Variants in IVNS1ABP observed in about 807,000 individuals in gnomAD.
IVNS1ABP encodes influenza virus NS1A binding protein, also known as influenza virus NS1A-binding protein.
In IVNS1ABP, 25 loss-of-function variants were observed where a neutral mutation model predicts 78.9. The observed-to-expected ratio is 0.32, with a 90% CI of 0.23 to 0.44. The LOEUF is 0.44. Ranked by LOEUF, IVNS1ABP falls within the 20% of genes least tolerant of loss-of-function variation. The probability of loss-of-function intolerance (pLI) is 1.00; values close to 1 mark genes in which losing one functional copy is unlikely to be tolerated. For synonymous variants in IVNS1ABP, 241 were observed against 259.7 expected (o/e 0.93, Z 0.69); for missense variants, 494 against 768.9 (o/e 0.64, Z 4.23).
Position 185,297,800 on chromosome 1 carries a change from C to A in IVNS1ABP, c.*235G>T. ...AATCAATTCTTGGTTTATTCTTTTC[C>A]AAAAAGTAAAATAACCAAAGTCTTA... On this transcript the variant is annotated 3_prime_UTR_variant, in exon 15 of 15. Coordinates refer to ENST00000367498, the MANE Select transcript of IVNS1ABP (RefSeq NM_006469.5). The A allele has an allele frequency of 2.0e-6, 1 of 503,152 alleles. No individual in the cohort carries two copies. The highest frequency in any genetic ancestry group is 3.1e-5 in the South Asian group (1 of 31,770). 31.2% of individuals were successfully genotyped at this position (503,152 alleles called of 1,614,324 possible).
In IVNS1ABP at chr1:185,305,629, G is replaced by A. The variant is rs1245367088; in HGVS notation, c.672C>T (p.Tyr224=). The A allele has an allele frequency of 2.5e-6, 4 of 1,613,156 alleles. No homozygotes were observed. Among genetic ancestry groups the A allele is most frequent in the Non-Finnish European group, 3.4e-6 (4 of 1,179,502 alleles). ...EELMEEVQTL[Y]YSADHKLLDG... ...CAAGCAGCTTGTGATCAGCTGAGTA[G>A]TACAAGGTTTGAACCTGCAAAACAG... The change falls in exon 8 of 15, where the codon TAC becomes TAT. Residue 224 remains tyrosine (Y), a synonymous_variant. Coordinates refer to ENST00000367498, the MANE Select transcript of IVNS1ABP (RefSeq NM_006469.5). This position sits in a 1 kb window ranked among gnomAD's most constrained non-coding sequence, Gnocchi z 4.0.
chr1:185,311,025 T>C (rs1244604735), intron 2 of IVNS1ABP, 70 bp downstream of exon 2: 1 of 317,334 alleles, frequency 3.2e-6, no homozygotes, highest in East Asian at 4.6e-5. Flanking sequence ...AAAGGTTTAC[T>C]GTACTCGACA....
chr1:185,314,015 C>G (rs878911083), intron 1 of IVNS1ABP, among the ~76,000 whole-genome samples: 4 of 152,120 alleles, frequency 2.6e-5, no homozygotes, highest in Admixed American at 2.6e-4. Context: ...CACAATATGG[C>G]CTCTGCTAAA....
rs569936594 is a variant in IVNS1ABP, at chr1:185,316,882, C to A, written c.-247+71G>T. The A allele has an allele frequency of 1.5e-5, 6 of 397,542 alleles. No individual in the cohort carries two copies. In the East Asian group the frequency reaches 2.1e-4, roughly 14 times the overall value. 24.6% of individuals were successfully genotyped at this position (397,542 alleles called of 1,614,324 possible). A position where few individuals can be genotyped will look rare whatever the true frequency, so the allele number is the denominator to read the frequency against. ...CCCACCCTCTTCCCATCCGCCGGCG[C>A]CATCCCTTCTTCTCGGATTCTAGCC... On this transcript the variant is annotated intron_variant, in intron 1 of 14. Coordinates refer to ENST00000367498, the MANE Select transcript of IVNS1ABP (RefSeq NM_006469.5).
chr1:185,306,222 A>G (rs1013571287), intron 7 of IVNS1ABP: 4 of 208,660 alleles, frequency 1.9e-5, no homozygotes, highest in Admixed American at 1.7e-4. Flanking sequence ...CTTTTAGACC[A>G]TAATGATGAC....
At chr1:185,300,893 T>TA in intron 10 of IVNS1ABP, 79 bp downstream of exon 10, 1 of 1,088,476 alleles carries the variant, frequency 9.2e-7, no homozygotes, top group Non-Finnish European at 1.4e-6. Context: ...GATGGCATAT[T>TA]AAACCCTCTC....
In IVNS1ABP at chr1:185,308,786, TTC is replaced by T; in HGVS notation, c.357+12_357+13del. 6.3e-7 allele frequency: 1 copy of T among 1,580,720 alleles called. No individual in the cohort carries two copies. ...AGACTCCATAAATGATTTTATTTAC[TTC>T]TGATACTCTACCTGCTTTACTCGAT... On this transcript the variant is annotated intron_variant, in intron 5 of 14. Transcript: ENST00000367498.
rs1180232945 is a variant in IVNS1ABP at position 185,297,187 on chromosome 1, C to T, written c.*848G>A. 2 of 152,094 alleles carry T rather than the reference C, an allele frequency of 1.3e-5. No individual in the cohort carries two copies. Among genetic ancestry groups the T allele is most frequent in the African/African-American group, 4.8e-5 (2 of 41,430 alleles). The allele number at this position is 152,094 out of a possible 1,614,324, so 9.4% of individuals were successfully genotyped here. On this transcript the variant is annotated 3_prime_UTR_variant, in exon 15 of 15. Transcript: ENST00000367498. ...AACAGGAATTATATAGAAGATAAAA[C>T]ACCATTTTTTACTGCTATATAATGT...
chr1:185,299,252 G>A (rs750417769), intron 14 of IVNS1ABP: 4 of 161,598 alleles, frequency 2.5e-5, no homozygotes, highest in Non-Finnish European at 4.1e-5. Context: ...TGGAAAGAAA[G>A]CTATGTCTAC....
At chr1:185,314,836 C>T (rs529178762) in intron 1 of IVNS1ABP, among the ~76,000 whole-genome samples, 6 of 151,914 alleles carry the variant, frequency 3.9e-5, no homozygotes, top group African/African-American at 1.5e-4. Context: ...AACACAAAGT[C>T]GTTTATAGTT....
chr1:185,310,672 T>A (rs1399591913), intron 2 of IVNS1ABP, among the ~76,000 whole-genome samples: 1 of 151,840 alleles, frequency 6.6e-6, no homozygotes, highest in African/African-American at 2.4e-5. Flanking sequence ...CCCAGGAGTT[T>A]GAGACCAGTC....
At chr1:185,300,647 A>G in intron 10 of IVNS1ABP, 89 bp from the exon 11 acceptor site, 1 of 1,362,776 alleles carries the variant, frequency 7.3e-7, no homozygotes, top group South Asian at 1.3e-5. Context: ...AAATCTGCAC[A>G]ATGAGAAAAA....
chr1:185,308,248 C>A (rs1366716508), intron 5 of IVNS1ABP, among the ~76,000 whole-genome samples: 3 of 152,188 alleles, frequency 2.0e-5, no homozygotes, highest in Non-Finnish European at 2.9e-5. Context: ...CTGTTTGTCA[C>A]AACTGCTCAA....
intron 1 of IVNS1ABP, among the ~76,000 whole-genome samples, chr1:185,316,659 A>G (rs1571754479): frequency 6.6e-6 from 1 of 152,046 alleles, no homozygotes; most frequent in South Asian, 2.1e-4. Flanking sequence ...AGCCTGCCTC[A>G]CCCGCGCCAG....
At position 185,305,830 on chromosome 1, in the gene IVNS1ABP, C is replaced by A. The variant is rs1665725442; in HGVS notation, c.658-187G>T. ...GGTGGTAAAAATTAAAAAACAAAAA[C>A]AAAAAACCAAAATCAAATACAAAAT... On this transcript the variant is annotated intron_variant, in intron 7 of 14. Coordinates refer to ENST00000367498, the MANE Select transcript of IVNS1ABP (RefSeq NM_006469.5). The surrounding 1 kb of genome is among the most constrained non-coding windows in gnomAD (Gnocchi z 4.0). 3.4e-6 allele frequency: 2 copies of A among 590,126 alleles called. No homozygotes were observed. The highest frequency in any genetic ancestry group is 5.6e-6 in the Non-Finnish European group (2 of 357,712). The allele number at this position is 590,126 out of a possible 1,614,324, so 36.6% of individuals were successfully genotyped here.
chr1:185,308,098 T>C, intron 5 of IVNS1ABP: 1 of 1,494,222 alleles, frequency 6.7e-7, no homozygotes, highest in Non-Finnish European at 9.0e-7. Flanking sequence ...AGGGAAAATC[T>C]AGAAACTAAA....
At chr1:185,316,373 G>T (rs1342715473) in intron 1 of IVNS1ABP, among the ~76,000 whole-genome samples, 1 of 152,160 alleles carries the variant, frequency 6.6e-6, no homozygotes, top group African/African-American at 2.4e-5. Flanking sequence ...AGCGGGCAAC[G>T]TGGAGCGGGA....
At chr1:185,311,525 TA>T (rs35365424) in intron 1 of IVNS1ABP, among the ~76,000 whole-genome samples, 18,322 of 133,984 alleles carry the variant, frequency 0.14, 1,088 homozygotes, top group South Asian at 0.18. Context: ...CCCAAGTGAT[TA>T]AAAAAAAAAA....
rs1665817569 is a variant in IVNS1ABP at position 185,309,089 on chromosome 1, A to G, written c.195T>C (p.Ser65=). The G allele has an allele frequency of 1.2e-6, 2 of 1,612,776 alleles. No homozygotes were observed. The highest frequency in any genetic ancestry group is 1.7e-6 in the Non-Finnish European group (2 of 1,178,976). The change falls in exon 4 of 15, where the codon AGT becomes AGC. Residue 65 remains serine, a synonymous_variant. Transcript: ENST00000367498. ...PYLFEIFNSD[S]DPHGISHVKF... ...TAACGTGAGAAATTCCATGAGGATC[A>G]CTATCACTATTAAAGATTTCAAATA...
Sources: allele counts gnomAD v4.1 joint callset (sites outside exome capture counted in the v4.1 genomes callset), GRCh38; gene constraint gnomAD v4.1.1; non-coding constraint Gnocchi (gnomAD v3.1); transcripts MANE v1.5; gene names NCBI Gene and HGNC (gene_info 2026-07-23, HGNC 2026-07-21).